Variants in PGS1 observed in about 807,000 individuals in gnomAD.
PGS1 encodes the protein CDP-diacylglycerol--glycerol-3-phosphate 3-phosphatidyltransferase, mitochondrial.
PGS1 carries 44 observed loss-of-function variants against 58.3 expected under a neutral mutation model. The ratio of observed to expected loss-of-function variants is 0.75; its 90% confidence interval spans 0.59 to 0.97. PGS1 has a LOEUF of 0.97. Among genes scored for constraint, PGS1 ranks in the 50% least tolerant of loss-of-function variants. PGS1 has a pLI of 0.00. For synonymous variants in PGS1, 330 were observed against 311.0 expected (o/e 1.06, Z -0.64); for missense variants, 684 against 731.1 (o/e 0.94, Z 0.74).
intron 1 of PGS1, among the ~76,000 whole-genome samples, chr17:78,384,632 G>A (rs1305402296): frequency 2.6e-5 from 4 of 152,186 alleles, no homozygotes; most frequent in Non-Finnish European, 5.9e-5. Context: ...TTCAGACCAC[G>A]CCTCTGAGGG....
chr17:78,398,247 G>T lies in PGS1; in HGVS notation c.412-5G>T. 5 of 1,599,318 alleles carry T rather than the reference G, an allele frequency of 3.1e-6. No individual in the cohort carries two copies. The highest frequency in any genetic ancestry group is 4.3e-6 in the Non-Finnish European group (5 of 1,166,602). ...AATCTTCTTTTCTGTGTTCTTTCTTGGTAGGTGGACTGCCTGGAAAGTACT... is the reference window on the plus strand; with the variant it reads ...AATCTTCTTTTCTGTGTTCTTTCTTTGTAGGTGGACTGCCTGGAAAGTACT... On this transcript the variant is annotated splice_polypyrimidine_tract_variant and splice_region_variant and intron_variant, in intron 3 of 9. Coordinates refer to ENST00000262764, the MANE Select transcript of PGS1 (RefSeq NM_024419.5).
intron 2 of PGS1, among the ~76,000 whole-genome samples, chr17:78,393,227 A>AT (rs1905292032): frequency 6.6e-6 from 1 of 151,182 alleles, no homozygotes; most frequent in African/African-American, 2.4e-5. Flanking sequence ...CGCCCAGCTA[A>AT]TTTTTTGTAT....
rs906600165 is a variant in PGS1 at position 78,399,270 on chromosome 17, A to G, written c.512-78A>G. On this transcript the variant is annotated intron_variant, in intron 4 of 9. Transcript: ENST00000262764. ...GGACGGCACAGGTGAAGGCGAGGCC[A>G]CGTGGAGGTGGCTCCTCATTGGGGG... 2.6e-6 allele frequency: 3 copies of G among 1,140,052 alleles called. No homozygotes were observed. In the African/African-American group the frequency reaches 4.6e-5, roughly 17 times the overall value. The allele number at this position is 1,140,052 out of a possible 1,614,324, so 70.6% of individuals were successfully genotyped here.
At chr17:78,384,217 G>A (rs1013197765) in intron 1 of PGS1, among the ~76,000 whole-genome samples, 13 of 152,170 alleles carry the variant, frequency 8.5e-5, no homozygotes, top group Non-Finnish European at 8.8e-5. Flanking sequence ...CTCTCGTGCC[G>A]GACTTGTTAT....
chr17:78,389,986 A>G lies in PGS1; in HGVS notation c.144-2490A>G, dbSNP rs191489872. On this transcript the variant is annotated intron_variant, in intron 1 of 9. Transcript: ENST00000262764. ...ACCTGGAGCAGTACAGCGGCACCTG[A>G]TTTTTGGATGGTCTGAGAGATGGCA... Among the ~76,000 whole-genome samples the G allele has an allele frequency of 2.2e-3, 339 of 152,218 alleles. 2 individuals carry two copies. The highest frequency in any genetic ancestry group is 0.021 in the Admixed American group (315 of 15,292).
chr17:78,379,891 G>A (rs1424335758), intron 1 of PGS1, among the ~76,000 whole-genome samples: 1 of 149,000 alleles, frequency 6.7e-6, no homozygotes, highest in East Asian at 2.0e-4. Flanking sequence ...TTTTTGAGAC[G>A]GAGTTTCACT....
chr17:78,385,575 C>T (rs1395242976), intron 1 of PGS1, among the ~76,000 whole-genome samples: 4 of 152,146 alleles, frequency 2.6e-5, no homozygotes, highest in African/African-American at 7.2e-5. Flanking sequence ...AGGCGTGAGC[C>T]GCTGTGCCTG....
chr17:78,380,501 C>T (rs2081965801), intron 1 of PGS1, among the ~76,000 whole-genome samples: 1 of 152,182 alleles, frequency 6.6e-6, no homozygotes, highest in South Asian at 2.1e-4. Context: ...TTGGTGAACC[C>T]AGCAGGACTG....
At chr17:78,387,934 T>A (rs2082530669) in intron 1 of PGS1, among the ~76,000 whole-genome samples, 1 of 152,138 alleles carries the variant, frequency 6.6e-6, no homozygotes, top group Non-Finnish European at 1.5e-5. Context: ...CCAGATGTGG[T>A]CTCCTTGGCA....
chr17:78,423,881 G>A, intron 9 of PGS1, 180 bp from the exon 10 acceptor site: 3 of 1,612,788 alleles, frequency 1.9e-6, no homozygotes, highest in Non-Finnish European at 1.7e-6. Flanking sequence ...GCCCCAGGGA[G>A]TGTGGGCTGT....
At chr17:78,397,146 G>A (rs932609458) in intron 3 of PGS1, among the ~76,000 whole-genome samples, 1 of 152,236 alleles carries the variant, frequency 6.6e-6, no homozygotes, top group African/African-American at 2.4e-5. Context: ...GGAGCCAGCA[G>A]TCACCAGGTT....
At chr17:78,389,164 G>C (rs765351627) in intron 1 of PGS1, among the ~76,000 whole-genome samples, 3 of 144,508 alleles carry the variant, frequency 2.1e-5, no homozygotes, top group African/African-American at 7.7e-5. Context: ...CCAGGTTCAA[G>C]CAGTTCTGCC....
At chr17:78,404,111 G>C (rs1204793717) in intron 7 of PGS1, 22 bp downstream of exon 7, 1 of 1,496,724 alleles carries the variant, frequency 6.7e-7, no homozygotes, top group African/African-American at 1.4e-5. Flanking sequence ...CTGGCTGGAG[G>C]ACGTTCCAGT....
chr17:78,420,085 G>A (rs192446066), intron 9 of PGS1: 5 of 1,056,390 alleles, frequency 4.7e-6, no homozygotes, highest in South Asian at 3.0e-5. Context: ...AGGGGAGCAC[G>A]TTTGCTCGTG....
rs530393533 is a variant in PGS1 at position 78,422,778 on chromosome 17, C to G, written c.*11-1283C>G. Among the ~76,000 whole-genome samples the G allele has an allele frequency of 9.2e-5, 14 of 152,192 alleles. No homozygotes were observed. The South Asian group carries it at 2.7e-3, about 29-fold the overall frequency. On this transcript the variant is annotated intron_variant, in intron 9 of 9. Coordinates refer to ENST00000262764, the MANE Select transcript of PGS1 (RefSeq NM_024419.5). ...GGATTAGAGGCGTGAGCTGCTGCAG[C>G]GGCCTGCTTTTCTTTGAAGCCTGAG...
At chr17:78,419,713 C>T (rs763202774) in intron 9 of PGS1, 38 bp downstream of exon 9, 17 of 1,608,128 alleles carry the variant, frequency 1.1e-5, no homozygotes, top group Admixed American at 6.7e-5. Flanking sequence ...ACGATTTTCC[C>T]GAGAGTTCAC....
intron 7 of PGS1, among the ~76,000 whole-genome samples, chr17:78,413,856 G>A (rs1181237153): frequency 2.6e-5 from 4 of 152,270 alleles, no homozygotes; most frequent in Non-Finnish European, 5.9e-5. Context: ...CAGGTAACAC[G>A]TCAGTATTCT....
chr17:78,422,762 G>A (rs895740399), intron 9 of PGS1, among the ~76,000 whole-genome samples: 1 of 151,616 alleles, frequency 6.6e-6, no homozygotes, highest in African/African-American at 2.4e-5. Context: ...GGGATTAGAG[G>A]CGTGAGCTGC....
intron 7 of PGS1, among the ~76,000 whole-genome samples, chr17:78,410,347 T>A (rs1243986358): frequency 5.9e-5 from 9 of 151,982 alleles, no homozygotes; most frequent in African/African-American, 1.7e-4. Context: ...GAGAATCGCT[T>A]GAACCCAGGA....
Sources: gnomAD v4.1 joint callset for allele counts (sites outside exome capture counted in the v4.1 genomes callset) on GRCh38, gnomAD v4.1.1 for gene constraint, MANE v1.5 for transcripts, NCBI Gene and HGNC (gene_info 2026-07-23, HGNC 2026-07-21) for gene names.